Variants in ASIC2 observed in about 807,000 individuals in gnomAD.
The protein encoded by ASIC2 is acid sensing ion channel subunit 2.
In ASIC2, 25 loss-of-function variants were observed where a neutral mutation model predicts 57.3. The ratio of observed to expected loss-of-function variants is 0.44; its 90% confidence interval spans 0.32 to 0.61. ASIC2 has a LOEUF of 0.61. Ranked by LOEUF, ASIC2 falls within the 20% of genes least tolerant of loss-of-function variation. The pLI, the probability that ASIC2 is intolerant of heterozygous loss-of-function variation, is 0.06. For missense variants in ASIC2, 641 were observed against 738.1 expected, an observed-to-expected ratio of 0.87 and a Z score of 1.52; for synonymous variants, 319 against 307.5, an observed-to-expected ratio of 1.04 and a Z score of -0.39.
intron 2 of ASIC2, among the ~76,000 whole-genome samples, chr17:33,097,334 T>C (rs1262643477): frequency 6.6e-6 from 1 of 152,196 alleles, no homozygotes; most frequent in African/African-American, 2.4e-5. Flanking sequence ...GAGGCAGGTG[T>C]CAATATCTCC....
intron 1 of ASIC2, among the ~76,000 whole-genome samples, chr17:33,638,447 G>C (rs11655340): frequency 0.3 from 45,342 of 152,080 alleles, 6,916 homozygotes; most frequent in East Asian, 0.42. Context: ...CTTTGCTAAG[G>C]CAGTTTCAAC....
At chr17:33,134,903 T>C (rs530451082) in intron 1 of ASIC2, among the ~76,000 whole-genome samples, 110 of 152,132 alleles carry the variant, frequency 7.2e-4, no homozygotes, top group Non-Finnish European at 1.4e-3. Context: ...TCAGAGAAAC[T>C]CAAACCAGCA....
intron 1 of ASIC2, among the ~76,000 whole-genome samples, chr17:33,316,475 A>C (rs1372898282): frequency 6.6e-6 from 1 of 152,182 alleles, no homozygotes; most frequent in Non-Finnish European, 1.5e-5. Flanking sequence ...TTTAGTAGAG[A>C]TGAGGTTTCG....
At chr17:33,461,310 C>T (rs192076497) in intron 1 of ASIC2, among the ~76,000 whole-genome samples, 32 of 152,304 alleles carry the variant, frequency 2.1e-4, no homozygotes, top group Admixed American at 1.6e-3. Context: ...CCTGGGGGAG[C>T]GCAGAGCTGT....
chr17:33,152,198 G>A (rs1904828557), intron 1 of ASIC2, among the ~76,000 whole-genome samples: 1 of 152,152 alleles, frequency 6.6e-6, no homozygotes, highest in Non-Finnish European at 1.5e-5. Context: ...ATTTGGTGGT[G>A]CACTTGCTCT....
At chr17:33,723,333 A>T (rs939218213) in intron 1 of ASIC2, among the ~76,000 whole-genome samples, 1 of 152,112 alleles carries the variant, frequency 6.6e-6, no homozygotes, top group East Asian at 1.9e-4. Flanking sequence ...ATATTATATT[A>T]TATTTTATTT....
intron 1 of ASIC2, among the ~76,000 whole-genome samples, chr17:34,093,655 C>G (rs1218718602): frequency 2.0e-5 from 3 of 152,226 alleles, no homozygotes; most frequent in African/African-American, 7.2e-5. Context: ...GTCAGATGAT[C>G]AGGATTACAG....
intron 1 of ASIC2, among the ~76,000 whole-genome samples, chr17:33,702,871 G>T (rs1372731195): frequency 2.6e-5 from 4 of 152,140 alleles, no homozygotes; most frequent in Non-Finnish European, 5.9e-5. Flanking sequence ...TATGCCAGGC[G>T]ATGTACCAGG....
chr17:33,854,246 C>T (rs1383582139), intron 1 of ASIC2, among the ~76,000 whole-genome samples: 1 of 152,126 alleles, frequency 6.6e-6, no homozygotes, highest in African/African-American at 2.4e-5. Flanking sequence ...TGTAGGCATG[C>T]ATGCATGTCA....
intron 1 of ASIC2, among the ~76,000 whole-genome samples, chr17:33,206,453 G>C (rs927108108): frequency 6.6e-6 from 1 of 152,162 alleles, no homozygotes; most frequent in Non-Finnish European, 1.5e-5. Context: ...ACTAATGGAG[G>C]CACTGGGATT....
intron 1 of ASIC2, among the ~76,000 whole-genome samples, chr17:33,322,068 AGTG>A (rs1341391350): frequency 1.3e-5 from 2 of 152,186 alleles, no homozygotes; most frequent in African/African-American, 4.8e-5. Flanking sequence ...GACACATAAC[AGTG>A]GTGGAACCGG....
intron 1 of ASIC2, among the ~76,000 whole-genome samples, chr17:33,811,259 A>G (rs1227928933): frequency 2.0e-5 from 3 of 152,098 alleles, no homozygotes; most frequent in Non-Finnish European, 4.4e-5. Flanking sequence ...TCTTCATTTC[A>G]CATTTGGAGC....
chr17:33,966,196 G>A (rs1466319525), intron 1 of ASIC2, among the ~76,000 whole-genome samples: 1 of 152,192 alleles, frequency 6.6e-6, no homozygotes, highest in Non-Finnish European at 1.5e-5. Context: ...ATACAGGAGA[G>A]GAGCCAAGCT....
chr17:33,225,225 C>T (rs1907834381), intron 1 of ASIC2, among the ~76,000 whole-genome samples: 1 of 152,188 alleles, frequency 6.6e-6, no homozygotes, highest in Non-Finnish European at 1.5e-5. Flanking sequence ...TAGCAAGAAA[C>T]TGAAAACAAT....
intron 1 of ASIC2, among the ~76,000 whole-genome samples, chr17:33,985,796 T>G (rs370762264): frequency 8.5e-5 from 13 of 152,184 alleles, no homozygotes; most frequent in African/African-American, 2.9e-4. Flanking sequence ...TAGAAGTCTT[T>G]ACATTGGCTG....
intron 1 of ASIC2, among the ~76,000 whole-genome samples, chr17:33,146,286 C>T (rs1257081321): frequency 6.6e-6 from 1 of 152,170 alleles, no homozygotes; most frequent in Admixed American, 6.5e-5. Flanking sequence ...AGCTTTGGGG[C>T]TTGGAAAGCA....
intron 1 of ASIC2, among the ~76,000 whole-genome samples, chr17:33,153,381 T>C (rs924060456): frequency 6.6e-6 from 1 of 152,170 alleles, no homozygotes; most frequent in Non-Finnish European, 1.5e-5. Context: ...GGTTCCATGA[T>C]TTGGGGGCAA....
chr17:33,306,039 G>A (rs1906158004), intron 1 of ASIC2, among the ~76,000 whole-genome samples: 1 of 152,170 alleles, frequency 6.6e-6, no homozygotes, highest in African/African-American at 2.4e-5. Flanking sequence ...CTATAAAAGG[G>A]AATTTCATGG....
chr17:33,534,857 CACATTGA>C, intron 1 of ASIC2, among the ~76,000 whole-genome samples: 1 of 152,300 alleles, frequency 6.6e-6, no homozygotes, highest in South Asian at 2.1e-4. Context: ...AGAAGAAGTG[CACATTGA>C]TGTGAGGGGG....
Sources: gnomAD v4.1 joint callset for allele counts (sites outside exome capture counted in the v4.1 genomes callset) on GRCh38, gnomAD v4.1.1 for gene constraint, MANE v1.5 for transcripts, NCBI Gene and HGNC (gene_info 2026-07-23, HGNC 2026-07-21) for gene names.